The following GNB4 variants were observed in gnomAD, a reference collection of about 807,000 sequenced individuals.
GNB4 encodes the protein G protein subunit beta 4.
GNB4 carries 28 observed loss-of-function variants against 45.2 expected under a neutral mutation model. The observed-to-expected ratio is 0.62, with a 90% CI of 0.46 to 0.85. The LOEUF is 0.85. Ranked by LOEUF, GNB4 falls within the 40% of genes least tolerant of loss-of-function variation. The pLI is 0.00. For synonymous variants in GNB4, 132 were observed against 143.7 expected, an observed-to-expected ratio of 0.92 and a Z score of 0.58; for missense variants, 321 against 425.4, an observed-to-expected ratio of 0.75 and a Z score of 2.16.
the GNB4 span, among the ~76,000 whole-genome samples, chr3:179,522,960 G>C: frequency 6.6e-6 from 1 of 151,760 alleles, no homozygotes. Context: ...GAGCTAGTGT[G>C]AGAGTAGCTT....
At chr3:179,411,067 G>C (rs904721883) in intron 8 of GNB4, among the ~76,000 whole-genome samples, 3 of 152,080 alleles carry the variant, frequency 2.0e-5, no homozygotes, top group African/African-American at 7.2e-5. Flanking sequence ...CTTGATCTAT[G>C]ATAGAAATAA....
In GNB4 at chr3:179,397,547, C is replaced by G. The variant is rs1426835642; in HGVS notation, c.*3666G>C. On this transcript the variant is annotated 3_prime_UTR_variant, in exon 10 of 10. Coordinates refer to ENST00000232564, the MANE Select transcript of GNB4 (RefSeq NM_021629.4). ...AAATGAAGGGAATTGCTGAACAGGC[C>G]CTTTTGCTGTTGAGATATGAAGCCC... 6.6e-6 allele frequency: 1 copy of G among 152,516 alleles called. No individual in the cohort carries two copies. The allele number at this position is 152,516 out of a possible 1,614,324, so 9.4% of individuals were successfully genotyped here. A position where few individuals can be genotyped will look rare whatever the true frequency, so the allele number is the denominator to read the frequency against.
At chr3:179,416,429 G>C in intron 5 of GNB4, 64 bp downstream of exon 5, 1 of 940,628 alleles carries the variant, frequency 1.1e-6, no homozygotes, top group Non-Finnish European at 1.7e-6. Flanking sequence ...AAGAATAAAG[G>C]AAAGAACTGG....
At chr3:179,516,597 T>G in the GNB4 span, among the ~76,000 whole-genome samples, 13 of 152,272 alleles carry the variant, frequency 8.5e-5, no homozygotes, top group Non-Finnish European at 1.6e-4. Flanking sequence ...GAGGACAGAT[T>G]TCCACAATGG....
the GNB4 span, among the ~76,000 whole-genome samples, chr3:179,459,718 A>G: frequency 6.6e-6 from 1 of 151,874 alleles, no homozygotes; most frequent in African/African-American, 2.4e-5. Flanking sequence ...AGAAAAAAAA[A>G]AGAAGCCTAC....
the GNB4 span, among the ~76,000 whole-genome samples, chr3:179,492,125 T>C: frequency 1.3e-5 from 2 of 152,324 alleles, no homozygotes; most frequent in Non-Finnish European, 2.9e-5. Flanking sequence ...CCAAGAGTGA[T>C]ACTCTCTGAG....
At chr3:179,523,759 G>T in the GNB4 span, among the ~76,000 whole-genome samples, 1 of 152,032 alleles carries the variant, frequency 6.6e-6, no homozygotes. Context: ...GAGTAGAGGG[G>T]TCCCATACTT....
At chr3:179,428,681 T>C (rs1172075149) in intron 1 of GNB4, among the ~76,000 whole-genome samples, 4 of 152,196 alleles carry the variant, frequency 2.6e-5, no homozygotes, top group Non-Finnish European at 5.9e-5. Flanking sequence ...TTATTATTAC[T>C]ATTATGGTTA....
intron 1 of GNB4, among the ~76,000 whole-genome samples, chr3:179,438,486 C>G (rs779217754): frequency 6.6e-6 from 1 of 152,118 alleles, no homozygotes; most frequent in Admixed American, 6.5e-5. Context: ...TTTGGCCCAG[C>G]AAGGGAAATA....
intron 4 of GNB4, 130 bp downstream of exon 4, chr3:179,419,269 T>C: frequency 4.4e-6 from 3 of 689,416 alleles, no homozygotes; most frequent in Admixed American, 2.5e-5. Context: ...AGCATGTTCA[T>C]CTGAGATGCA....
At chr3:179,462,263 G>C in the GNB4 span, among the ~76,000 whole-genome samples, 1 of 152,074 alleles carries the variant, frequency 6.6e-6, no homozygotes, top group African/African-American at 2.4e-5. Context: ...GCCATGTCTG[G>C]TTTGCCCATA....
the GNB4 span, among the ~76,000 whole-genome samples, chr3:179,481,338 G>C: frequency 6.6e-6 from 1 of 151,138 alleles, no homozygotes; most frequent in Non-Finnish European, 1.5e-5. Flanking sequence ...TTTTGAGACA[G>C]GGTCACTGTC....
rs368061934 is a variant in GNB4 at position 179,405,347 on chromosome 3, A to C, written c.759T>G (p.Phe253Leu). Residue 253 changes from phenylalanine (F) to leucine (L), a missense_variant, in exon 9 of 10, where the codon TTT becomes TTG. Transcript: ENST00000232564. ...ATAACTCTTGATCTGCACGAAGGTC[A>C]AAGAGCCGGCAAGTGGCATCATCAG... ...TGSDDATCRL[F>L]DLRADQELLL... 32 of 1,613,940 alleles carry C rather than the reference A, an allele frequency of 2.0e-5. No individual in the cohort carries two copies. The highest frequency in any genetic ancestry group is 2.7e-5 in the Non-Finnish European group (32 of 1,179,906).
At position 179,397,289 on chromosome 3, in the gene GNB4, CTTA is replaced by C. The variant is rs1384098927; in HGVS notation, c.*3921_*3923del. The C allele has an allele frequency of 5.3e-5, 8 of 152,278 alleles. No individual in the cohort carries two copies. The highest frequency in any genetic ancestry group is 3.4e-3 in the Middle Eastern group (1 of 294). The allele number at this position is 152,278 out of a possible 1,614,324, so 9.4% of individuals were successfully genotyped here. A position where few individuals can be genotyped will look rare whatever the true frequency, so the allele number is the denominator to read the frequency against. On this transcript the variant is annotated 3_prime_UTR_variant, in exon 10 of 10. Transcript: ENST00000232564. ...TGTTCACATTTAAAATGCTTAAGGT[CTTA>C]TTATTAAATCCAAAATACCAAAAGT...
At chr3:179,446,062 C>A (rs963662483) in intron 1 of GNB4, among the ~76,000 whole-genome samples, 4 of 152,208 alleles carry the variant, frequency 2.6e-5, no homozygotes, top group African/African-American at 9.6e-5. Flanking sequence ...CATCTTTCAG[C>A]AATTCTGGAA....
rs529278559 is a variant in GNB4 at position 179,443,975 on chromosome 3, T to C, written c.-43+7371A>G. Reference sequence around the variant, plus strand: ...AGTTTTGTTCTACTGCTGATTTTCCTATTCACGTTTTTATCCTACAACACT... The same window carrying C: ...AGTTTTGTTCTACTGCTGATTTTCCCATTCACGTTTTTATCCTACAACACT... On this transcript the variant is annotated intron_variant, in intron 1 of 9. Coordinates refer to ENST00000232564, the MANE Select transcript of GNB4 (RefSeq NM_021629.4). 5.4e-4 allele frequency among the ~76,000 whole-genome samples: 82 copies of C among 152,350 alleles called. 2 individuals carry two copies. The South Asian group carries it at 0.017, about 31-fold the overall frequency.
intron 5 of GNB4, among the ~76,000 whole-genome samples, chr3:179,415,556 G>A (rs1410061479): frequency 6.6e-6 from 1 of 151,744 alleles, no homozygotes; most frequent in Non-Finnish European, 1.5e-5. Flanking sequence ...TTCAAACAAT[G>A]GTGATAGTTT....
intron 8 of GNB4, 69 bp downstream of exon 8, chr3:179,413,343 A>G (rs1714705311): frequency 2.4e-6 from 3 of 1,236,774 alleles, no homozygotes; most frequent in Non-Finnish European, 3.6e-6. Context: ...ATTTGTTGTT[A>G]AAATCATGCC....
At chr3:179,508,037 G>A in the GNB4 span, among the ~76,000 whole-genome samples, 3 of 152,134 alleles carry the variant, frequency 2.0e-5, no homozygotes, top group African/African-American at 2.4e-5. Flanking sequence ...GAACAGAAAC[G>A]GAAGTTTGGA....
Sources: gnomAD v4.1 joint callset for allele counts (sites outside exome capture counted in the v4.1 genomes callset) on GRCh38, gnomAD v4.1.1 for gene constraint, MANE v1.5 for transcripts, NCBI Gene and HGNC (gene_info 2026-07-23, HGNC 2026-07-21) for gene names.